The following RAPGEF2 variants were observed in gnomAD, a reference collection of about 807,000 sequenced individuals.
RAPGEF2 encodes the protein Rap guanine nucleotide exchange factor 2.
In RAPGEF2, 54 loss-of-function variants were observed where a neutral mutation model predicts 186.7. That is an observed-to-expected ratio of 0.29 (90% confidence interval 0.23 to 0.36). The LOEUF is 0.36. RAPGEF2 is among the 10% of genes least tolerant of loss of function. RAPGEF2 has a pLI of 1.00. For synonymous variants in RAPGEF2, 712 were observed against 705.9 expected (o/e 1.01, Z -0.14); for missense variants, 1,532 against 2,045.0 (o/e 0.75, Z 4.84).
At position 159,298,972 on chromosome 4, in the gene RAPGEF2, A is replaced by C. The variant is rs931627326; in HGVS notation, c.544-5370A>C. 5.9e-5 allele frequency among the ~76,000 whole-genome samples: 9 copies of C among 152,354 alleles called. No individual in the cohort carries two copies. In the South Asian group the frequency reaches 6.2e-4, roughly 11 times the overall value. ...ATGGATGAATGCTGAATGAAAATAT[A>C]GTATCCTTTATTTTTTACAAATACC... On this transcript the variant is annotated intron_variant, in intron 7 of 29. Coordinates refer to ENST00000691494, the MANE Select transcript of RAPGEF2 (RefSeq NM_001394067.2).
At chr4:159,295,740 TGTGTGTGTGTGTGTGCGC>T (rs1391386792) in intron 7 of RAPGEF2, among the ~76,000 whole-genome samples, 101 of 134,316 alleles carry the variant, frequency 7.5e-4, no homozygotes, top group African/African-American at 2.9e-3. Flanking sequence ...TGTGTGTGTG[TGTGTGTGTGTGTGTGCGC>T]GCGCGCGCGC....
intron 7 of RAPGEF2, among the ~76,000 whole-genome samples, chr4:159,246,779 G>A (rs1754681361): frequency 6.6e-6 from 1 of 152,062 alleles, no homozygotes; most frequent in Admixed American, 6.6e-5. Context: ...TATTTATTCA[G>A]TTTTTTACTG....
chr4:159,180,619 A>G (rs1400776869), intron 1 of RAPGEF2, among the ~76,000 whole-genome samples: 1 of 152,222 alleles, frequency 6.6e-6, no homozygotes, highest in Non-Finnish European at 1.5e-5. Flanking sequence ...AATTGAATTT[A>G]TTTAAGAAGT....
chr4:159,156,519 A>T (rs1361860023), intron 1 of RAPGEF2, among the ~76,000 whole-genome samples: 1 of 152,066 alleles, frequency 6.6e-6, no homozygotes, highest in Non-Finnish European at 1.5e-5. Flanking sequence ...GTTCTAGGGT[A>T]CATGTGCACA....
At chr4:159,283,803 T>C (rs908063499) in intron 7 of RAPGEF2, among the ~76,000 whole-genome samples, 1 of 152,220 alleles carries the variant, frequency 6.6e-6, no homozygotes, top group African/African-American at 2.4e-5. Context: ...AAATTAGTGG[T>C]GTTATGTAAC....
chr4:159,290,971 T>C (rs1761129450), intron 7 of RAPGEF2, among the ~76,000 whole-genome samples: 1 of 152,220 alleles, frequency 6.6e-6, no homozygotes, highest in African/African-American at 2.4e-5. Context: ...TAAATTCTTA[T>C]CATTGAAATC....
intron 7 of RAPGEF2, among the ~76,000 whole-genome samples, chr4:159,292,065 T>C (rs1761296403): frequency 6.6e-6 from 1 of 152,156 alleles, no homozygotes; most frequent in Non-Finnish European, 1.5e-5. Context: ...GGAAAATCTT[T>C]TGTGCAACAT....
At chr4:159,190,617 G>T (rs1036025292) in intron 2 of RAPGEF2, among the ~76,000 whole-genome samples, 1 of 152,178 alleles carries the variant, frequency 6.6e-6, no homozygotes, top group East Asian at 1.9e-4. Flanking sequence ...TCATAGTTCC[G>T]CATGGCTGGG....
chr4:159,131,544 T>TTTTTTG (rs1741105533), intron 1 of RAPGEF2, among the ~76,000 whole-genome samples: 1 of 150,146 alleles, frequency 6.7e-6, no homozygotes, highest in Non-Finnish European at 1.5e-5. Context: ...TTTTTTTTTT[T>TTTTTTG]TTAGCTTTTG....
In RAPGEF2 at chr4:159,103,918, G is replaced by T. The variant is rs1156678986; in HGVS notation, c.-245G>T. On this transcript the variant is annotated 5_prime_UTR_variant, in exon 1 of 30. Transcript: ENST00000691494. ...GTTCCGCCTGCGGGCCGCATCGCACGGCAGCCTAGGGGCGCCGCGACCCTC... is the reference window on the plus strand; with the variant it reads ...GTTCCGCCTGCGGGCCGCATCGCACTGCAGCCTAGGGGCGCCGCGACCCTC... The T allele has an allele frequency of 6.5e-6, 1 of 153,932 alleles. No homozygotes were observed. Among genetic ancestry groups the T allele is most frequent in the South Asian group, 1.9e-4 (1 of 5,218 alleles). The allele number at this position is 153,932 out of a possible 1,614,324, so 9.5% of individuals were successfully genotyped here.
At chr4:159,195,780 C>T (rs1748573857) in intron 3 of RAPGEF2, among the ~76,000 whole-genome samples, 2 of 152,038 alleles carry the variant, frequency 1.3e-5, no homozygotes, top group Admixed American at 1.3e-4. Flanking sequence ...CAACTGAAAC[C>T]CGCCAGCAGC....
intron 1 of RAPGEF2, among the ~76,000 whole-genome samples, chr4:159,109,151 A>G (rs1435537067): frequency 6.6e-6 from 1 of 152,210 alleles, no homozygotes; most frequent in Non-Finnish European, 1.5e-5. Context: ...GATTCATATG[A>G]AAACTTAATG....
intron 7 of RAPGEF2, among the ~76,000 whole-genome samples, chr4:159,288,141 A>G (rs1760746140): frequency 6.6e-6 from 1 of 152,192 alleles, no homozygotes; most frequent in African/African-American, 2.4e-5. Context: ...CTATAATTTC[A>G]TATCATAATC....
chr4:159,131,095 TGTGAGAGAGA>T (rs752815859), intron 1 of RAPGEF2, among the ~76,000 whole-genome samples: 6 of 42,978 alleles, frequency 1.4e-4, no homozygotes, highest in East Asian at 7.9e-4. Flanking sequence ...TGTGTGTGTG[TGTGAGAGAGA>T]GAGAGAGAGA....
At chr4:159,295,781 A>G (rs1470639576) in intron 7 of RAPGEF2, among the ~76,000 whole-genome samples, 3 of 150,236 alleles carry the variant, frequency 2.0e-5, no homozygotes, top group Non-Finnish European at 3.0e-5. Flanking sequence ...GCGCATGCAC[A>G]TAATGTTTTT....
intron 4 of RAPGEF2, among the ~76,000 whole-genome samples, chr4:159,212,668 A>C (rs908743708): frequency 6.6e-6 from 1 of 152,340 alleles, no homozygotes; most frequent in Non-Finnish European, 1.5e-5. Flanking sequence ...AATTTAGTTA[A>C]TAATTTTAAA....
At chr4:159,168,256 T>G (rs1745538483) in intron 1 of RAPGEF2, among the ~76,000 whole-genome samples, 1 of 152,192 alleles carries the variant, frequency 6.6e-6, no homozygotes, top group Non-Finnish European at 1.5e-5. Context: ...GTATGTTGAA[T>G]GTTTTCACAA....
At chr4:159,309,216 G>C (rs1763659963) in intron 8 of RAPGEF2, among the ~76,000 whole-genome samples, 1 of 152,152 alleles carries the variant, frequency 6.6e-6, no homozygotes, top group African/African-American at 2.4e-5. Context: ...TTGTTTTCAA[G>C]TGTCATCTCC....
intron 8 of RAPGEF2, among the ~76,000 whole-genome samples, chr4:159,306,143 T>C (rs995095814): frequency 1.1e-4 from 17 of 151,590 alleles, no homozygotes; most frequent in African/African-American, 4.1e-4. Flanking sequence ...ACTTTAGGAT[T>C]TTTTTTTTCT....
Sources: gnomAD v4.1 joint callset for allele counts (sites outside exome capture counted in the v4.1 genomes callset) on GRCh38, gnomAD v4.1.1 for gene constraint, MANE v1.5 for transcripts, NCBI Gene and HGNC (gene_info 2026-07-23, HGNC 2026-07-21) for gene names.